The following PTPRD variants were observed in gnomAD, a reference collection of about 807,000 sequenced individuals.
The protein encoded by PTPRD is receptor-type tyrosine-protein phosphatase delta.
In PTPRD, 34 loss-of-function variants were observed where a neutral mutation model predicts 214.5. That is an observed-to-expected ratio of 0.16 (90% CI 0.12 to 0.21). PTPRD has a LOEUF of 0.21. Among genes scored for constraint, PTPRD ranks in the 10% least tolerant of loss-of-function variants. The pLI is 1.00. For missense variants in PTPRD, 2,545 were observed against 2,398.7 expected (o/e 1.06, Z -1.27); for synonymous variants, 1,128 against 845.7 (o/e 1.33, Z -5.79).
chr9:8,567,273 C>T (rs963011130), intron 14 of PTPRD, among the ~76,000 whole-genome samples: 1 of 152,222 alleles, frequency 6.6e-6, no homozygotes, highest in Admixed American at 6.5e-5. Flanking sequence ...GCTTCTGCCT[C>T]AAATATCACA....
At chr9:8,468,108 A>T (rs553402648) in intron 31 of PTPRD, among the ~76,000 whole-genome samples, 1 of 152,146 alleles carries the variant, frequency 6.6e-6, no homozygotes, top group South Asian at 2.1e-4. Flanking sequence ...GAAGACTTAT[A>T]GGAAGTAATT....
intron 2 of PTPRD, among the ~76,000 whole-genome samples, chr9:10,513,559 T>C (rs150264784): frequency 6.8e-4 from 103 of 152,232 alleles, no homozygotes; most frequent in African/African-American, 2.3e-3. Flanking sequence ...GGTTACCAAA[T>C]CAATTCCGCT....
chr9:8,458,776 C>G (rs2096288766), intron 33 of PTPRD, among the ~76,000 whole-genome samples: 1 of 152,072 alleles, frequency 6.6e-6, no homozygotes, highest in East Asian at 1.9e-4. Flanking sequence ...CTTATAGATA[C>G]AGATTGGAAT....
intron 31 of PTPRD, among the ~76,000 whole-genome samples, chr9:8,469,878 C>T (rs778299337): frequency 2.0e-5 from 3 of 152,092 alleles, no homozygotes; most frequent in African/African-American, 2.4e-5. Context: ...AGATGACACA[C>T]GTCTGCCAAA....
At chr9:9,271,906 G>T (rs1039986544) in intron 9 of PTPRD, among the ~76,000 whole-genome samples, 9 of 151,204 alleles carry the variant, frequency 6.0e-5, no homozygotes, top group Admixed American at 5.3e-4. Context: ...TTCCTTAAAG[G>T]TTTCTGCATA....
At chr9:9,071,180 C>T (rs979639916) in intron 10 of PTPRD, among the ~76,000 whole-genome samples, 1 of 152,144 alleles carries the variant, frequency 6.6e-6, no homozygotes, top group Non-Finnish European at 1.5e-5. Flanking sequence ...GCACGTAAAA[C>T]TTGGAGTGGC....
intron 3 of PTPRD, among the ~76,000 whole-genome samples, chr9:10,279,100 A>G (rs1056539416): frequency 6.6e-6 from 1 of 152,056 alleles, no homozygotes. Flanking sequence ...TTTTTAACGG[A>G]ACTCTGCCTC....
At chr9:8,599,256 C>G (rs958510445) in intron 14 of PTPRD, among the ~76,000 whole-genome samples, 3 of 152,130 alleles carry the variant, frequency 2.0e-5, no homozygotes, top group Non-Finnish European at 4.4e-5. Flanking sequence ...AGTTAAACCT[C>G]TTTCCTTTAT....
At chr9:9,986,898 T>G (rs1196678308) in intron 4 of PTPRD, among the ~76,000 whole-genome samples, 2 of 13,170 alleles carry the variant, frequency 1.5e-4, no homozygotes, top group Non-Finnish European at 4.6e-4. Flanking sequence ...ATTTCATATT[T>G]TTTTTTTACT....
chr9:9,443,604 A>G (rs2089186175), intron 8 of PTPRD, among the ~76,000 whole-genome samples: 1 of 152,180 alleles, frequency 6.6e-6, no homozygotes, highest in East Asian at 1.9e-4. Context: ...ACTACTTGTC[A>G]GAAAGATCGC....
Position 10,378,230 on chromosome 9 carries a change from G to A in PTPRD, c.-599-37213C>T, listed in dbSNP as rs568516726. ...TGGTTATTTATCTCTTGTCTGATGA[G>A]CAGGTTGAAAATATAGTTTCCAGTT... On this transcript the variant is annotated intron_variant, in intron 2 of 45. Coordinates refer to ENST00000381196, the MANE Select transcript of PTPRD (RefSeq NM_002839.4). Among the ~76,000 whole-genome samples the A allele has an allele frequency of 4.6e-5, 7 of 152,052 alleles. No homozygotes were observed. In the South Asian group the frequency reaches 1.5e-3, roughly 32 times the overall value.
chr9:9,901,147 A>G (rs1424396903), intron 5 of PTPRD, among the ~76,000 whole-genome samples: 1 of 152,152 alleles, frequency 6.6e-6, no homozygotes, highest in East Asian at 1.9e-4. Flanking sequence ...GCGAGACTGG[A>G]AGCAAGAGTG....
At chr9:8,338,078 C>T (rs973783038) in intron 43 of PTPRD, among the ~76,000 whole-genome samples, 1 of 152,058 alleles carries the variant, frequency 6.6e-6, no homozygotes, top group Non-Finnish European at 1.5e-5. Flanking sequence ...AGCAGACAAT[C>T]TCCAAACCTA....
At chr9:9,753,908 A>G (rs12345600) in intron 6 of PTPRD, among the ~76,000 whole-genome samples, 4,005 of 151,950 alleles carry the variant, frequency 0.026, 73 homozygotes, top group Non-Finnish European at 0.035. Context: ...CAAATTTCCT[A>G]TTTTCTAAGA....
intron 2 of PTPRD, among the ~76,000 whole-genome samples, chr9:10,508,692 A>G (rs2046927622): frequency 6.6e-6 from 1 of 152,168 alleles, no homozygotes; most frequent in South Asian, 2.1e-4. Context: ...AACTATCGCA[A>G]GGACAAAAAA....
chr9:8,432,474 C>G (rs939952449), intron 35 of PTPRD, among the ~76,000 whole-genome samples: 1 of 152,162 alleles, frequency 6.6e-6, no homozygotes, highest in Non-Finnish European at 1.5e-5. Flanking sequence ...GTGCAAACAG[C>G]TTTCACGCCT....
chr9:9,476,699 A>G (rs889824250), intron 8 of PTPRD, among the ~76,000 whole-genome samples: 1 of 152,186 alleles, frequency 6.6e-6, no homozygotes. Flanking sequence ...GAAATTTTAC[A>G]TAAGAAACCT....
intron 3 of PTPRD, among the ~76,000 whole-genome samples, chr9:10,302,450 A>G (rs1439866886): frequency 6.6e-6 from 1 of 152,174 alleles, no homozygotes; most frequent in Non-Finnish European, 1.5e-5. Flanking sequence ...CTATGCCCCA[A>G]TTTAAAGACA....
At chr9:9,257,673 C>T (rs1462468429) in intron 9 of PTPRD, among the ~76,000 whole-genome samples, 1 of 151,810 alleles carries the variant, frequency 6.6e-6, no homozygotes, top group African/African-American at 2.4e-5. Context: ...ATAATGTGTG[C>T]CTACAGTCCC....
Sources: gnomAD v4.1 joint callset for allele counts (sites outside exome capture counted in the v4.1 genomes callset) on GRCh38, gnomAD v4.1.1 for gene constraint, MANE v1.5 for transcripts, NCBI Gene and HGNC (gene_info 2026-07-23, HGNC 2026-07-21) for gene names.